HABP4: variants seen among roughly 807,000 people sequenced by gnomAD.
HABP4 encodes the protein hyaluronan binding protein 4.
In HABP4, 32 loss-of-function variants were observed where a neutral mutation model predicts 44.1. The ratio of observed to expected loss-of-function variants is 0.73; its 90% CI spans 0.55 to 0.97. The LOEUF is 0.97. Ranked by LOEUF, HABP4 falls within the 50% of genes least tolerant of loss-of-function variation. HABP4 has a pLI of 0.00. For synonymous variants in HABP4, 216 were observed against 218.0 expected (o/e 0.99, Z 0.08); for missense variants, 503 against 561.9 (o/e 0.90, Z 1.06).
At position 96,450,425 on chromosome 9, in the gene HABP4, G is replaced by T; in HGVS notation, c.146G>T (p.Arg49Leu). 7.4e-7 allele frequency: 1 copy of T among 1,357,686 alleles called. No homozygotes were observed. Among genetic ancestry groups the T allele is most frequent in the Non-Finnish European group, 9.6e-7 (1 of 1,037,972 alleles). 84.1% of individuals were successfully genotyped at this position (1,357,686 alleles called of 1,614,324 possible). Residue 49 changes from arginine to leucine, a missense_variant, in exon 1 of 8, where the codon CGC becomes CTC. Physicochemically the swap from Arg to Leu is moderately radical, Grantham distance 102. Around this residue, in one of 3 missense-constraint regions of HABP4, gnomAD observed 290 missense variants for 300.5 expected, o/e 0.97. Coordinates refer to ENST00000375249, the MANE Select transcript of HABP4 (RefSeq NM_014282.4). The surrounding 1 kb of genome is among the most constrained non-coding windows in gnomAD (Gnocchi z 4.8). ...FDILREAERR[R>L]QQQLQRKRRD... ...ATCCTGCGCGAGGCCGAGCGCCGGC[G>T]CCAGCAGCAGCTGCAGCGCAAGAGG...
At chr9:96,455,931 T>C (rs923414817) in intron 1 of HABP4, among the ~76,000 whole-genome samples, 2 of 152,122 alleles carry the variant, frequency 1.3e-5, no homozygotes, top group African/African-American at 4.8e-5. Flanking sequence ...GGCACATGTC[T>C]GTAATCCCAG....
At chr9:96,481,430 G>A (rs1832878557) in intron 5 of HABP4, among the ~76,000 whole-genome samples, 1 of 151,870 alleles carries the variant, frequency 6.6e-6, no homozygotes, top group African/African-American at 2.4e-5. Context: ...TATAATTCTC[G>A]TACTATAGCA....
At position 96,490,991 on chromosome 9, in the gene HABP4, G is replaced by T. The variant is rs973184399; in HGVS notation, c.*953G>T. On this transcript the variant is annotated 3_prime_UTR_variant, in exon 8 of 8. Coordinates refer to ENST00000375249, the MANE Select transcript of HABP4 (RefSeq NM_014282.4). ...TTTTGGTGAAAGTTTGGGGTTGGGG[G>T]TACACCTCAGAGGTTCAGTAATTCA... 1.3e-5 allele frequency: 2 copies of T among 152,282 alleles called. No homozygotes were observed. Among genetic ancestry groups the T allele is most frequent in the African/African-American group, 4.8e-5 (2 of 41,438 alleles). 9.4% of individuals were successfully genotyped at this position (152,282 alleles called of 1,614,324 possible). A position where few individuals can be genotyped will look rare whatever the true frequency, so the allele number is the denominator to read the frequency against.
chr9:96,477,237 CT>C (rs1424390213), intron 5 of HABP4, among the ~76,000 whole-genome samples: 2 of 152,076 alleles, frequency 1.3e-5, no homozygotes, highest in Admixed American at 6.5e-5. Context: ...GCATTCAGTT[CT>C]GTTGATTTTT....
At chr9:96,467,291 A>G (rs1241679008) in intron 4 of HABP4, among the ~76,000 whole-genome samples, 2 of 152,082 alleles carry the variant, frequency 1.3e-5, no homozygotes, top group East Asian at 3.9e-4. Context: ...TGTACAAACT[A>G]ATATCAAATG....
At chr9:96,470,912 C>T (rs1012933068) in intron 4 of HABP4, 99 bp from the exon 5 acceptor site, 14 of 756,960 alleles carry the variant, frequency 1.8e-5, no homozygotes, top group South Asian at 1.4e-4. Context: ...AAAAAAAAAC[C>T]CAAAAAACCA....
rs1832391483 is a variant in HABP4 at position 96,456,774 on chromosome 9, AAAAAAAATATATATATATATATATATAT to A, written c.350-1603_350-1576del. 5.7e-5 allele frequency among the ~76,000 whole-genome samples: 4 copies of A among 70,284 alleles called. No homozygotes were observed. In the South Asian group the frequency reaches 1.6e-3, roughly 29 times the overall value. 46.1% of individuals were successfully genotyped at this position (70,284 alleles called of 152,430 possible). A position where few individuals can be genotyped will look rare whatever the true frequency, so the allele number is the denominator to read the frequency against. On this transcript the variant is annotated intron_variant, in intron 1 of 7. Coordinates refer to ENST00000375249, the MANE Select transcript of HABP4 (RefSeq NM_014282.4). Reference sequence around the variant, plus strand: ...GACTCCATCTCAAAAAAAAAAAAAAAAAAAAAATATATATATATATATATATATATATATATATATATATATATCCATT... The same window carrying A: ...GACTCCATCTCAAAAAAAAAAAAAAAATATATATATATATATATATCCATT...
chr9:96,471,088 C>T lies in HABP4; in HGVS notation c.821C>T (p.Pro274Leu), dbSNP rs1485989089. 3 of 1,541,822 alleles carry T rather than the reference C, an allele frequency of 1.9e-6. No individual in the cohort carries two copies. Among genetic ancestry groups the T allele is most frequent in the Admixed American group, 1.7e-5 (1 of 59,928 alleles). ...CAGGGCACCCCGGAAGAGGAGTCTC[C>T]AGCCAAGTAGGGCATTTTGTTCATT... ...ESQGTPEEES[P>L]AKVPELEVEE... The change falls in exon 5 of 8, where the codon CCA becomes CTA. Residue 274 changes from proline (P) to leucine (L), a missense_variant. Physicochemically the swap from Pro to Leu is moderately conservative, Grantham distance 98. Around this residue, in one of 3 missense-constraint regions of HABP4, gnomAD observed 131 missense variants for 189.8 expected, o/e 0.69. Coordinates refer to ENST00000375249, the MANE Select transcript of HABP4 (RefSeq NM_014282.4).
At position 96,450,263 on chromosome 9, in the gene HABP4, G is replaced by T; in HGVS notation, c.-17G>T. 7.0e-7 allele frequency: 1 copy of T among 1,422,382 alleles called. No individual in the cohort carries two copies. The highest frequency in any genetic ancestry group is 3.2e-5 in the East Asian group (1 of 31,338). The allele number at this position is 1,422,382 out of a possible 1,614,324, so 88.1% of individuals were successfully genotyped here. A position where few individuals can be genotyped will look rare whatever the true frequency, so the allele number is the denominator to read the frequency against. On this transcript the variant is annotated 5_prime_UTR_variant, in exon 1 of 8. Transcript: ENST00000375249. This position sits in a 1 kb window ranked among gnomAD's most constrained non-coding sequence, Gnocchi z 4.8. ...TCGCGTGGGCTGCCCTCCCGGGCCCGCAGTGGTCGCGGCGGCATGAAGGGC... is the reference window on the plus strand; with the variant it reads ...TCGCGTGGGCTGCCCTCCCGGGCCCTCAGTGGTCGCGGCGGCATGAAGGGC...
chr9:96,481,781 T>C (rs553344678), intron 5 of HABP4, among the ~76,000 whole-genome samples: 1 of 152,272 alleles, frequency 6.6e-6, no homozygotes, highest in South Asian at 2.1e-4. Context: ...ACTGAATGCA[T>C]GGATGGATGG....
At chr9:96,452,463 A>C (rs1035512388) in intron 1 of HABP4, among the ~76,000 whole-genome samples, 1 of 152,124 alleles carries the variant, frequency 6.6e-6, no homozygotes, top group Non-Finnish European at 1.5e-5. Flanking sequence ...AAATGATATA[A>C]ACTGGGTTGC....
intron 1 of HABP4, among the ~76,000 whole-genome samples, chr9:96,457,145 T>C (rs2131117447): frequency 6.6e-6 from 1 of 151,808 alleles, no homozygotes; most frequent in East Asian, 1.9e-4. Flanking sequence ...CCTGTAATCC[T>C]GGCACTTTGG....
At chr9:96,456,767 AAAAAAAAAAAAAAAT>A (rs1832386372) in intron 1 of HABP4, among the ~76,000 whole-genome samples, 1 of 57,328 alleles carries the variant, frequency 1.7e-5, no homozygotes, top group Non-Finnish European at 3.0e-5. Context: ...CTCAAAAAAA[AAAAAAAAAAAAAAAT>A]ATATATATAT....
Position 96,458,541 on chromosome 9 carries a change from A to G in HABP4, c.512A>G (p.Lys171Arg). 1 of 1,610,144 alleles carries G rather than the reference A, an allele frequency of 6.2e-7. No individual in the cohort carries two copies. The highest frequency in any genetic ancestry group is 8.5e-7 in the Non-Finnish European group (1 of 1,176,474). Residue 171 changes from lysine (K) to arginine (R), a missense_variant and splice_region_variant, in exon 2 of 8, where the codon AAA (lysine) becomes AGA (arginine). By Grantham distance (26) the Lys-to-Arg change is conservative. Coordinates refer to ENST00000375249, the MANE Select transcript of HABP4 (RefSeq NM_014282.4). Reference sequence around the variant, plus strand: ...ACAGCTGAGAAGTTTCCAGATGAAAAGTATGTGCTGCAGTCCTCAGCAGGG... The same window carrying G: ...ACAGCTGAGAAGTTTCCAGATGAAAGGTATGTGCTGCAGTCCTCAGCAGGG... ...DFTAEKFPDE[K>R]PGDRFDRDRP...
Position 96,453,773 on chromosome 9 carries a change from C to T in HABP4, c.349+3145C>T, listed in dbSNP as rs938860742. Among the ~76,000 whole-genome samples the T allele has an allele frequency of 4.6e-5, 7 of 152,148 alleles. No individual in the cohort carries two copies. In the East Asian group the frequency reaches 1.3e-3, roughly 29 times the overall value. The stretch of plus-strand genomic sequence containing the variant: ...AATGCATGTGCCAGCCTTTTCTTGG[C>T]GAGGTTAGTGAAATGCAGTGCTTGC... On this transcript the variant is annotated intron_variant, in intron 1 of 7. Coordinates refer to ENST00000375249, the MANE Select transcript of HABP4 (RefSeq NM_014282.4).
rs1193676073 is a variant in HABP4 at position 96,491,212 on chromosome 9, T to C, written c.*1174T>C. 3 of 152,314 alleles carry C rather than the reference T, an allele frequency of 2.0e-5. No individual in the cohort carries two copies. The highest frequency in any genetic ancestry group is 7.2e-5 in the African/African-American group (3 of 41,468). 9.4% of individuals were successfully genotyped at this position (152,314 alleles called of 1,614,324 possible). ...TCTGCCTGTTGTCACACAGTTCATATGCTCGCTTGAGATGGAATCTGAACC... is the reference window on the plus strand; with the variant it reads ...TCTGCCTGTTGTCACACAGTTCATACGCTCGCTTGAGATGGAATCTGAACC... On this transcript the variant is annotated 3_prime_UTR_variant, in exon 8 of 8. Transcript: ENST00000375249.
At chr9:96,451,596 A>G (rs1167689762) in intron 1 of HABP4, 1 of 350,022 alleles carries the variant, frequency 2.9e-6, no homozygotes, top group East Asian at 1.7e-4. Context: ...AAAATTGTGC[A>G]TCGCAGCCCT....
In HABP4 at chr9:96,458,495, A is replaced by T; in HGVS notation, c.466A>T (p.Thr156Ser). Residue 156 changes from threonine (T) to serine (S), a missense_variant, in exon 2 of 8, where the codon ACA (threonine) becomes TCA (serine). Physicochemically the swap from Thr to Ser is moderately conservative, Grantham distance 58. Transcript: ENST00000375249. ...RSYREYRPYE[T>S]ERQADFTAEK... Reference sequence around the variant, plus strand: ...CTACAGGGAATACCGACCCTATGAGACAGAGAGGCAGGCAGACTTCACAGC... The same window carrying T: ...CTACAGGGAATACCGACCCTATGAGTCAGAGAGGCAGGCAGACTTCACAGC... 6.2e-7 allele frequency: 1 copy of T among 1,613,642 alleles called. No individual in the cohort carries two copies. The highest frequency in any genetic ancestry group is 8.5e-7 in the Non-Finnish European group (1 of 1,179,534).
At chr9:96,486,231 C>T (rs1032955218) in intron 6 of HABP4, among the ~76,000 whole-genome samples, 1 of 152,156 alleles carries the variant, frequency 6.6e-6, no homozygotes, top group African/African-American at 2.4e-5. Context: ...TCTCTCCCAT[C>T]CTCTTGTTTT....
Sources: allele counts gnomAD v4.1 joint callset (sites outside exome capture counted in the v4.1 genomes callset), GRCh38; gene constraint gnomAD v4.1.1; regional missense constraint gnomAD v4.1.1; non-coding constraint Gnocchi (gnomAD v3.1); transcripts MANE v1.5; gene names NCBI Gene and HGNC (gene_info 2026-07-23, HGNC 2026-07-21).